Variants in WWP2 observed in about 807,000 individuals in gnomAD.
WWP2 encodes WW domain containing E3 ubiquitin protein ligase 2, also known as NEDD4-like E3 ubiquitin-protein ligase WWP2.
WWP2 carries 57 observed loss-of-function variants against 121.0 expected under a neutral mutation model. The ratio of observed to expected loss-of-function variants is 0.47; its 90% confidence interval spans 0.38 to 0.59. The LOEUF is 0.59. WWP2 is among the 20% of genes least tolerant of loss of function. WWP2 has a pLI of 0.00. For missense variants in WWP2, 962 were observed against 1,158.9 expected, an observed-to-expected ratio of 0.83 and a Z score of 2.47; for synonymous variants, 449 against 441.3, an observed-to-expected ratio of 1.02 and a Z score of -0.22.
intron 4 of WWP2, among the ~76,000 whole-genome samples, chr16:69,805,778 TC>T (rs1466940330): frequency 2.0e-5 from 3 of 150,980 alleles, no homozygotes; most frequent in African/African-American, 7.3e-5. Context: ...TAATTTTTTT[TC>T]TTTTTTTTTT....
chr16:69,856,287 A>G (rs1485636600), intron 6 of WWP2, among the ~76,000 whole-genome samples: 1 of 152,088 alleles, frequency 6.6e-6, no homozygotes, highest in African/African-American at 2.4e-5. Flanking sequence ...CAATCTGAAG[A>G]TGTGGGGGCA....
chr16:69,828,028 C>G, intron 4 of WWP2: 1 of 408,628 alleles, frequency 2.4e-6, no homozygotes, highest in East Asian at 7.1e-5. Context: ...ACGTGGGTGA[C>G]TGTAATGGGT....
chr16:69,884,451 C>G (rs963511821), intron 7 of WWP2, among the ~76,000 whole-genome samples: 6 of 152,028 alleles, frequency 3.9e-5, no homozygotes, highest in Non-Finnish European at 8.8e-5. Flanking sequence ...TAGTGAGACC[C>G]TATCTCTACA....
chr16:69,918,606 G>C (rs1049993002), intron 10 of WWP2, among the ~76,000 whole-genome samples: 5 of 152,156 alleles, frequency 3.3e-5, no homozygotes, highest in Non-Finnish European at 7.3e-5. Context: ...GTTATCTTTG[G>C]TCTAGCTGAG....
chr16:69,880,864 G>A (rs1217994146), intron 7 of WWP2, among the ~76,000 whole-genome samples: 2 of 152,198 alleles, frequency 1.3e-5, no homozygotes, highest in African/African-American at 2.4e-5. Context: ...GTGCAGGGCC[G>A]AGAAGTCCTG....
chr16:69,914,071 C>CAAAAAAAA lies in WWP2; in HGVS notation c.1005-3616_1005-3609dup, dbSNP rs34269202. On this transcript the variant is annotated intron_variant, in intron 9 of 23. Coordinates refer to ENST00000359154, the MANE Select transcript of WWP2 (RefSeq NM_001270454.2). ...TGGGCGACAGAGCGAGACTCTGTCT[C>CAAAAAAAA]AAAAAAAAAAAAAAAAAAAAAAAAA... 9.0e-4 allele frequency among the ~76,000 whole-genome samples: 29 copies of CAAAAAAAA among 32,214 alleles called. 1 individual carries two copies. Among genetic ancestry groups the CAAAAAAAA allele is most frequent in the Admixed American group, 1.8e-3 (3 of 1,666 alleles). The allele number at this position is 32,214 out of a possible 152,430, so 21.1% of individuals were successfully genotyped here.
At chr16:69,769,123 C>T (rs1053025753) in intron 1 of WWP2, among the ~76,000 whole-genome samples, 1 of 152,084 alleles carries the variant, frequency 6.6e-6, no homozygotes, top group Non-Finnish European at 1.5e-5. Flanking sequence ...TCGAGACCAT[C>T]CTGGCTAACG....
chr16:69,785,606 A>G (rs2055769943), intron 1 of WWP2, among the ~76,000 whole-genome samples: 1 of 151,896 alleles, frequency 6.6e-6, no homozygotes, highest in African/African-American at 2.4e-5. Context: ...GGGACACCTC[A>G]TGGCGAATGA....
chr16:69,847,842 A>C (rs191082506), intron 6 of WWP2, among the ~76,000 whole-genome samples: 1 of 152,006 alleles, frequency 6.6e-6, no homozygotes, highest in Non-Finnish European at 1.5e-5. Flanking sequence ...TCACCTCCCA[A>C]CTCTGCCACA....
chr16:69,890,121 A>ATTT (rs57520353), intron 8 of WWP2, among the ~76,000 whole-genome samples: 3 of 133,102 alleles, frequency 2.3e-5, no homozygotes, highest in African/African-American at 2.8e-5. Flanking sequence ...TGCCTGGATA[A>ATTT]TTTTTTTTTT....
intron 16 of WWP2, among the ~76,000 whole-genome samples, chr16:69,933,518 C>T (rs1270327238): frequency 6.6e-6 from 1 of 152,172 alleles, no homozygotes; most frequent in Non-Finnish European, 1.5e-5. Flanking sequence ...ATGTTGCCCG[C>T]CCAGGTAGAG....
chr16:69,907,752 C>T (rs2049861601), intron 8 of WWP2, among the ~76,000 whole-genome samples: 1 of 152,160 alleles, frequency 6.6e-6, no homozygotes, highest in Non-Finnish European at 1.5e-5. Flanking sequence ...CATAAGCCAT[C>T]CTCAGCACCT....
At chr16:69,798,591 C>G in intron 2 of WWP2, 91 bp from the exon 3 acceptor site, 1 of 1,385,684 alleles carries the variant, frequency 7.2e-7, no homozygotes, top group African/African-American at 1.4e-5. Flanking sequence ...TTTTTTAAAG[C>G]AATAACTAAA....
intron 1 of WWP2, among the ~76,000 whole-genome samples, chr16:69,763,837 G>A (rs2038670232): frequency 6.6e-6 from 1 of 152,160 alleles, no homozygotes; most frequent in African/African-American, 2.4e-5. Flanking sequence ...AAGTCACACC[G>A]GCGTAAGTGG....
chr16:69,930,106 A>G (rs1481225917), intron 12 of WWP2, 24 bp from the exon 13 acceptor site: 1 of 1,613,588 alleles, frequency 6.2e-7, no homozygotes, highest in Admixed American at 1.7e-5. Context: ...CCAGCCCTTC[A>G]CCCTTTTCTT....
At chr16:69,833,266 T>C (rs1027377090) in intron 4 of WWP2, among the ~76,000 whole-genome samples, 12 of 152,248 alleles carry the variant, frequency 7.9e-5, no homozygotes, top group African/African-American at 2.9e-4. Context: ...CCTTGCAGTG[T>C]GTTGTTGAAG....
At chr16:69,902,775 C>G (rs1470929823) in intron 8 of WWP2, among the ~76,000 whole-genome samples, 1 of 152,078 alleles carries the variant, frequency 6.6e-6, no homozygotes, top group Non-Finnish European at 1.5e-5. Context: ...CCAAGACAGT[C>G]GGAGGCTCCA....
intron 4 of WWP2, among the ~76,000 whole-genome samples, chr16:69,814,903 T>C (rs185129748): frequency 1.3e-5 from 2 of 152,266 alleles, no homozygotes; most frequent in African/African-American, 2.4e-5. Context: ...GGAACTTGAG[T>C]CAGTGGGAGA....
chr16:69,839,752 G>A (rs895668894), intron 4 of WWP2, among the ~76,000 whole-genome samples: 5 of 152,124 alleles, frequency 3.3e-5, no homozygotes, highest in African/African-American at 4.8e-5. Context: ...GGGTCTCCTC[G>A]GTTTCTATGG....
Sources: gnomAD v4.1 joint callset for allele counts (sites outside exome capture counted in the v4.1 genomes callset) on GRCh38, gnomAD v4.1.1 for gene constraint, MANE v1.5 for transcripts, NCBI Gene and HGNC (gene_info 2026-07-23, HGNC 2026-07-21) for gene names.